The following FNDC3B variants were observed in gnomAD, a reference collection of about 807,000 sequenced individuals.
The protein encoded by FNDC3B is fibronectin type III domain containing 3B.
Under a neutral mutation model 151.5 loss-of-function variants are expected in FNDC3B, and 12 were observed. That is an observed-to-expected ratio of 0.08 (90% CI 0.05 to 0.13). The LOEUF is 0.13. Ranked by LOEUF, FNDC3B falls within the 10% of genes least tolerant of loss-of-function variation. The pLI, the probability that FNDC3B is intolerant of heterozygous loss-of-function variation, is 1.00. For missense variants in FNDC3B, 1,214 were observed against 1,505.3 expected, an observed-to-expected ratio of 0.81 and a Z score of 3.20; for synonymous variants, 528 against 549.0, an observed-to-expected ratio of 0.96 and a Z score of 0.54.
At chr3:172,222,465 A>G (rs551648691) in intron 3 of FNDC3B, among the ~76,000 whole-genome samples, 1 of 152,312 alleles carries the variant, frequency 6.6e-6, no homozygotes, top group Admixed American at 6.5e-5. Flanking sequence ...TGAAGATAGC[A>G]TCTGAGATGT....
intron 6 of FNDC3B, among the ~76,000 whole-genome samples, chr3:172,270,378 T>C (rs1729139932): frequency 6.6e-6 from 1 of 152,266 alleles, no homozygotes; most frequent in Non-Finnish European, 1.5e-5. Context: ...TGCTGCCTGA[T>C]GCGCCTTCTT....
rs961706216 is a variant in FNDC3B, at chr3:172,397,039, A to G, written c.3304-125A>G. Reference sequence around the variant, plus strand: ...ATTGAGAGAAGTACATTTTTATATCATCTTTGTTATAAGAGTGAATGTGAA... The same window carrying G: ...ATTGAGAGAAGTACATTTTTATATCGTCTTTGTTATAAGAGTGAATGTGAA... On this transcript the variant is annotated intron_variant, in intron 25 of 25. Coordinates refer to ENST00000415807, the MANE Select transcript of FNDC3B (RefSeq NM_022763.4). 3.0e-4 allele frequency: 208 copies of G among 696,738 alleles called. 2 individuals are homozygous for G. The highest frequency in any genetic ancestry group is 5.9e-5 in the Non-Finnish European group (25 of 422,832). The allele number at this position is 696,738 out of a possible 1,614,324, so 43.2% of individuals were successfully genotyped here. A position where few individuals can be genotyped will look rare whatever the true frequency, so the allele number is the denominator to read the frequency against.
At chr3:172,245,523 T>G (rs562533053) in intron 4 of FNDC3B, among the ~76,000 whole-genome samples, 1 of 152,146 alleles carries the variant, frequency 6.6e-6, no homozygotes. Context: ...GGATAATGCA[T>G]GTTTGTGTCA....
intron 1 of FNDC3B, among the ~76,000 whole-genome samples, chr3:172,056,250 T>C (rs1716915186): frequency 6.6e-6 from 1 of 151,930 alleles, no homozygotes. Flanking sequence ...CACAGATTGG[T>C]GTATTTGTAT....
chr3:172,219,786 A>C (rs1726175302), intron 3 of FNDC3B, among the ~76,000 whole-genome samples: 2 of 152,238 alleles, frequency 1.3e-5, no homozygotes, highest in South Asian at 4.1e-4. Context: ...AGCTTGTATT[A>C]GTGCTTCATT....
At chr3:172,208,431 G>A (rs560375067) in intron 3 of FNDC3B, among the ~76,000 whole-genome samples, 1 of 152,272 alleles carries the variant, frequency 6.6e-6, no homozygotes, top group South Asian at 2.1e-4. Flanking sequence ...AGCAGGTTAG[G>A]GGGCATGAGT....
At chr3:172,296,045 T>C (rs1190224497) in intron 8 of FNDC3B, among the ~76,000 whole-genome samples, 1 of 152,178 alleles carries the variant, frequency 6.6e-6, no homozygotes, top group Non-Finnish European at 1.5e-5. Flanking sequence ...CCCCTTCTGC[T>C]CTGTGGACTC....
chr3:172,276,750 G>A (rs908228769), intron 6 of FNDC3B, among the ~76,000 whole-genome samples: 12 of 152,078 alleles, frequency 7.9e-5, no homozygotes, highest in South Asian at 2.1e-4. Context: ...ATCTAATTAC[G>A]AGGAAATAGC....
chr3:172,088,899 A>G (rs1474751972), intron 1 of FNDC3B, among the ~76,000 whole-genome samples: 1 of 152,240 alleles, frequency 6.6e-6, no homozygotes, highest in Admixed American at 6.5e-5. Flanking sequence ...CTATAACAAT[A>G]GTAATATTTT....
intron 6 of FNDC3B, among the ~76,000 whole-genome samples, chr3:172,256,488 T>C (rs1329595450): frequency 2.0e-5 from 3 of 152,374 alleles, no homozygotes; most frequent in Middle Eastern, 3.4e-3. Context: ...AGCTGGGCCT[T>C]GAGCCTGTTC....
At chr3:172,225,180 A>G (rs939126870) in intron 3 of FNDC3B, among the ~76,000 whole-genome samples, 3 of 152,142 alleles carry the variant, frequency 2.0e-5, no homozygotes, top group African/African-American at 7.2e-5. Context: ...CTGTTTTTAA[A>G]AACTTTTTTG....
intron 2 of FNDC3B, among the ~76,000 whole-genome samples, chr3:172,130,985 G>T (rs898288226): frequency 2.6e-5 from 4 of 152,014 alleles, no homozygotes; most frequent in African/African-American, 7.3e-5. Context: ...AAAAAGACAT[G>T]GATAATTGTC....
rs557448399 is a variant in FNDC3B at position 172,238,981 on chromosome 3, T to C, written c.265-8552T>C. Among the ~76,000 whole-genome samples the C allele has an allele frequency of 6.6e-5, 10 of 152,322 alleles. No homozygotes were observed. The South Asian group carries it at 1.0e-3, about 16-fold the overall frequency. ...GGATGTCAGCTATTTACCAGAGTTA[T>C]GGAGAAAAGTTTTAATAATGACGTG... On this transcript the variant is annotated intron_variant, in intron 4 of 25. Transcript: ENST00000415807.
intron 6 of FNDC3B, among the ~76,000 whole-genome samples, chr3:172,253,663 A>G (rs1345106292): frequency 1.3e-5 from 2 of 152,240 alleles, no homozygotes; most frequent in African/African-American, 4.8e-5. Context: ...TGGTTTGCAC[A>G]AGAGTAGAAT....
At chr3:172,150,451 G>A (rs547425044) in intron 3 of FNDC3B, among the ~76,000 whole-genome samples, 5 of 151,826 alleles carry the variant, frequency 3.3e-5, no homozygotes, top group South Asian at 2.1e-4. Context: ...TCCCCCATGC[G>A]TACACCTCTT....
chr3:172,386,291 A>ATATTCC (rs989622732), intron 25 of FNDC3B, among the ~76,000 whole-genome samples: 3 of 152,144 alleles, frequency 2.0e-5, no homozygotes, highest in Non-Finnish European at 2.9e-5. Context: ...AAAACAATTC[A>ATATTCC]TATTCCTATT....
chr3:172,334,590 G>A (rs1004968729), intron 14 of FNDC3B, among the ~76,000 whole-genome samples: 1 of 152,120 alleles, frequency 6.6e-6, no homozygotes, highest in Non-Finnish European at 1.5e-5. Flanking sequence ...TTACAGGCAT[G>A]TGCCATCACG....
At chr3:172,209,616 T>C (rs1019057375) in intron 3 of FNDC3B, among the ~76,000 whole-genome samples, 4 of 152,190 alleles carry the variant, frequency 2.6e-5, no homozygotes, top group Admixed American at 6.5e-5. Flanking sequence ...ACCATCCGAT[T>C]ATCCGAAAGG....
chr3:172,153,561 C>G (rs1016447125), intron 3 of FNDC3B, among the ~76,000 whole-genome samples: 14 of 152,174 alleles, frequency 9.2e-5, no homozygotes, highest in African/African-American at 3.1e-4. Flanking sequence ...GAATCACCAG[C>G]GGGATACGGA....
Sources: gnomAD v4.1 joint callset for allele counts (sites outside exome capture counted in the v4.1 genomes callset) on GRCh38, gnomAD v4.1.1 for gene constraint, MANE v1.5 for transcripts, NCBI Gene and HGNC (gene_info 2026-07-23, HGNC 2026-07-21) for gene names.